KCNN3: variants seen among roughly 807,000 people sequenced by gnomAD.
KCNN3 encodes potassium calcium-activated channel subfamily N member 3.
A neutral mutation model predicts 62.9 loss-of-function variants in KCNN3; 16 were observed. The observed-to-expected ratio is 0.25, with a 90% CI of 0.17 to 0.39. The LOEUF is 0.39. Among genes scored for constraint, KCNN3 ranks in the 10% least tolerant of loss-of-function variants. The pLI is 1.00. For missense variants in KCNN3, 599 were observed against 949.4 expected (o/e 0.63, Z 4.85); for synonymous variants, 370 against 389.2 (o/e 0.95, Z 0.58).
At chr1:154,835,277 T>C (rs1167234241) in intron 1 of KCNN3, among the ~76,000 whole-genome samples, 1 of 152,236 alleles carries the variant, frequency 6.6e-6, no homozygotes, top group Non-Finnish European at 1.5e-5. Flanking sequence ...GGCATAATTA[T>C]TACTATGAAT....
chr1:154,795,468 A>G (rs1047464586), intron 2 of KCNN3, among the ~76,000 whole-genome samples: 2 of 152,102 alleles, frequency 1.3e-5, no homozygotes, highest in Non-Finnish European at 2.9e-5. Context: ...CCATCAATTC[A>G]TGTCTGGAAG....
At chr1:154,737,256 G>T (rs1294151263) in intron 3 of KCNN3, among the ~76,000 whole-genome samples, 2 of 151,892 alleles carry the variant, frequency 1.3e-5, no homozygotes, top group Non-Finnish European at 2.9e-5. Context: ...AGGAGGAAAA[G>T]ATGTAATTTT....
intron 1 of KCNN3, among the ~76,000 whole-genome samples, chr1:154,825,620 G>C (rs1323994145): frequency 6.6e-6 from 1 of 151,074 alleles, no homozygotes; most frequent in Non-Finnish European, 1.5e-5. Context: ...CACCCGCCTC[G>C]GCCTCCCAAA....
intron 2 of KCNN3, among the ~76,000 whole-genome samples, chr1:154,810,902 A>G (rs1366129887): frequency 6.6e-6 from 1 of 152,256 alleles, no homozygotes; most frequent in East Asian, 1.9e-4. Context: ...GGAGATGGTC[A>G]ACTCAAACAG....
chr1:154,868,660 C>G (rs943604596), intron 1 of KCNN3, among the ~76,000 whole-genome samples: 3 of 151,934 alleles, frequency 2.0e-5, no homozygotes, highest in Non-Finnish European at 2.9e-5. Flanking sequence ...TGCTTTAGTA[C>G]GAGTGAGCCA....
intron 2 of KCNN3, among the ~76,000 whole-genome samples, chr1:154,791,286 CT>C (rs34318428): frequency 0.1 from 13,890 of 137,286 alleles, 691 homozygotes; most frequent in Non-Finnish European, 0.13. Context: ...TATCATACCA[CT>C]TTTTTTTTTT....
At chr1:154,714,196 GTGTGTGTC>G in intron 6 of KCNN3, among the ~76,000 whole-genome samples, 1 of 142,140 alleles carries the variant, frequency 7.0e-6, no homozygotes, top group African/African-American at 2.7e-5. Context: ...TGTGTGTGGT[GTGTGTGTC>G]GTATGTGGTG....
chr1:154,756,947 C>T (rs951955112), intron 3 of KCNN3, among the ~76,000 whole-genome samples: 16 of 152,172 alleles, frequency 1.1e-4, no homozygotes, highest in Non-Finnish European at 2.9e-5. Context: ...TATTATTTAG[C>T]AAGTCTCTCA....
intron 2 of KCNN3, among the ~76,000 whole-genome samples, chr1:154,795,162 T>G (rs1185897138): frequency 1.3e-5 from 2 of 152,192 alleles, no homozygotes; most frequent in African/African-American, 2.4e-5. Flanking sequence ...GGGACCACCA[T>G]GCCCGTCGCC....
chr1:154,764,338 G>A (rs1187227310), intron 3 of KCNN3, among the ~76,000 whole-genome samples: 10 of 152,146 alleles, frequency 6.6e-5, no homozygotes, highest in Admixed American at 6.5e-4. Context: ...GTAGGGAAAA[G>A]GCTCTCAGGC....
At chr1:154,797,070 A>G (rs372624405) in intron 2 of KCNN3, among the ~76,000 whole-genome samples, 3 of 152,204 alleles carry the variant, frequency 2.0e-5, no homozygotes, top group East Asian at 1.9e-4. Context: ...CTCACTCCCA[A>G]TGAAGCCAGT....
At chr1:154,720,531 G>A (rs183310146) in intron 5 of KCNN3, among the ~76,000 whole-genome samples, 62 of 152,214 alleles carry the variant, frequency 4.1e-4, no homozygotes, top group African/African-American at 1.4e-3. Flanking sequence ...TTTTTCCTAC[G>A]AAATACCACT....
In KCNN3 at chr1:154,708,109, A is replaced by AGCT. The variant is rs149440400; in HGVS notation, c.2060_2062dup (p.Gln687dup). 1.9e-6 allele frequency: 3 copies of AGCT among 1,613,524 alleles called. No individual in the cohort carries two copies. The highest frequency in any genetic ancestry group is 2.2e-5 in the East Asian group (1 of 44,876). On this transcript the variant is annotated inframe_insertion, in exon 8 of 8. Transcript: ENST00000271915. ...CCGGGCCTCGATGATGGCAGACAGG[A>AGCT]GCTGCTGCTGCTGCTGGCGCAGGGT...
intron 1 of KCNN3, among the ~76,000 whole-genome samples, chr1:154,865,619 C>G (rs570120272): frequency 5.9e-4 from 90 of 152,308 alleles, no homozygotes; most frequent in African/African-American, 2.0e-3. Context: ...TTGCTCAACC[C>G]CCTCACATTG....
chr1:154,813,591 T>C (rs1190801111), intron 2 of KCNN3, among the ~76,000 whole-genome samples: 2 of 152,066 alleles, frequency 1.3e-5, no homozygotes, highest in Admixed American at 1.3e-4. Context: ...CTCCTGGAGC[T>C]AAGGAAGCTC....
intron 3 of KCNN3, among the ~76,000 whole-genome samples, chr1:154,760,615 T>TCGGCCTCTCCCGGGCCC (rs1238871203): frequency 2.0e-5 from 3 of 152,126 alleles, no homozygotes; most frequent in Non-Finnish European, 4.4e-5. Context: ...GGAGCGAGCC[T>TCGGCCTCTCCCGGGCCC]CGGCCTCTCC....
chr1:154,714,293 GTA>G (rs1447771622), intron 6 of KCNN3, among the ~76,000 whole-genome samples: 6 of 105,572 alleles, frequency 5.7e-5, no homozygotes, highest in East Asian at 6.6e-4. Flanking sequence ...TGTGTGGTGT[GTA>G]TGGTGTGTGT....
chr1:154,760,614 C>T (rs1258419926), intron 3 of KCNN3, among the ~76,000 whole-genome samples: 1 of 152,202 alleles, frequency 6.6e-6, no homozygotes, highest in African/African-American at 2.4e-5. Context: ...CGGAGCGAGC[C>T]TCGGCCTCTC....
At chr1:154,853,961 C>T (rs1206293178) in intron 1 of KCNN3, among the ~76,000 whole-genome samples, 2 of 150,670 alleles carry the variant, frequency 1.3e-5, no homozygotes, top group African/African-American at 2.5e-5. Context: ...AAAAGCTGGG[C>T]GCGGTGGCTT....
Sources: gnomAD v4.1 joint callset for allele counts (sites outside exome capture counted in the v4.1 genomes callset) on GRCh38, gnomAD v4.1.1 for gene constraint, MANE v1.5 for transcripts, NCBI Gene and HGNC (gene_info 2026-07-23, HGNC 2026-07-21) for gene names.